Variants in THADA observed in about 807,000 individuals in gnomAD.
THADA encodes the protein THADA armadillo repeat containing, also known as tRNA (32-2'-O)-methyltransferase regulator THADA.
Under a neutral mutation model 219.8 loss-of-function variants are expected in THADA, and 213 were observed. The observed-to-expected ratio is 0.97, with a 90% confidence interval of 0.87 to 1.09. The LOEUF is 1.09. Ranked by LOEUF, THADA falls within the 50% of genes least tolerant of loss-of-function variation. The pLI is 0.00. For missense variants in THADA, 2,956 were observed against 2,311.3 expected (o/e 1.28, Z -5.72); for synonymous variants, 1,018 against 828.9 (o/e 1.23, Z -3.92).
Position 43,560,293 on chromosome 2 carries a change from C to T in THADA, c.2404G>A (p.Val802Met), listed in dbSNP as rs749514382. Reference protein sequence around the residue: ...MECFTSTFEDVKILAFDLLMK... With the variant: ...MECFTSTFEDMKILAFDLLMK... Reference sequence around the variant, plus strand: ...AGAAGATCAAATGCTAAAATTTTCACGTCTTCAAAAGTGCTGGTAAAACAT... The same window carrying T: ...AGAAGATCAAATGCTAAAATTTTCATGTCTTCAAAAGTGCTGGTAAAACAT... The change falls in exon 16 of 38, where the codon GTG becomes ATG. Residue 802 changes from valine (V) to methionine (M), a missense_variant. Val to Met is a conservative substitution (Grantham distance 21, BLOSUM62 1). Coordinates refer to ENST00000405975, the MANE Select transcript of THADA (RefSeq NM_022065.5). 7 of 1,612,038 alleles carry T rather than the reference C, an allele frequency of 4.3e-6. No individual in the cohort carries two copies. The highest frequency in any genetic ancestry group is 5.9e-6 in the Non-Finnish European group (7 of 1,179,098).
At chr2:43,545,862 T>C (rs1558946590) in intron 20 of THADA, among the ~76,000 whole-genome samples, 1 of 152,220 alleles carries the variant, frequency 6.6e-6, no homozygotes, top group Non-Finnish European at 1.5e-5. Context: ...GTTTTTTGTG[T>C]CTGTATTTCC....
intron 31 of THADA, among the ~76,000 whole-genome samples, chr2:43,313,702 G>A (rs558682945): frequency 2.0e-5 from 3 of 152,366 alleles, no homozygotes; most frequent in East Asian, 3.9e-4. Flanking sequence ...AAAAGCCTGT[G>A]ACGTGGAAGC....
At chr2:43,403,067 G>A (rs1200441000) in intron 28 of THADA, among the ~76,000 whole-genome samples, 1 of 152,118 alleles carries the variant, frequency 6.6e-6, no homozygotes, top group Non-Finnish European at 1.5e-5. Context: ...TCATTCCAAG[G>A]TCAGTGTCAT....
At chr2:43,311,172 G>A (rs557059513) in intron 31 of THADA, among the ~76,000 whole-genome samples, 3 of 150,220 alleles carry the variant, frequency 2.0e-5, no homozygotes, top group African/African-American at 4.9e-5. Flanking sequence ...GCGAAACTCC[G>A]TCTCAAAAAA....
intron 29 of THADA, among the ~76,000 whole-genome samples, chr2:43,352,701 G>C (rs1203292766): frequency 1.3e-5 from 2 of 152,124 alleles, no homozygotes; most frequent in Admixed American, 6.5e-5. Flanking sequence ...GAGAAAGAGA[G>C]AGAGAGGGTT....
chr2:43,333,837 C>T (rs969579209), intron 30 of THADA, among the ~76,000 whole-genome samples: 3 of 152,174 alleles, frequency 2.0e-5, no homozygotes, highest in Admixed American at 6.5e-5. Context: ...AAAGAAGGAT[C>T]TCTTTCTTCA....
chr2:43,462,058 G>A (rs1683702313), intron 26 of THADA, among the ~76,000 whole-genome samples: 1 of 152,138 alleles, frequency 6.6e-6, no homozygotes, highest in African/African-American at 2.4e-5. Flanking sequence ...ATCTGAGGAA[G>A]GCTGCTGAAT....
chr2:43,473,233 T>C (rs1043532775), intron 26 of THADA, among the ~76,000 whole-genome samples: 1 of 152,254 alleles, frequency 6.6e-6, no homozygotes, highest in African/African-American at 2.4e-5. Flanking sequence ...TTCCTTTCTT[T>C]ATACACTTAT....
intron 24 of THADA, among the ~76,000 whole-genome samples, chr2:43,502,182 TCCAGCCTGGG>T (rs1314355523): frequency 6.6e-6 from 1 of 152,184 alleles, no homozygotes; most frequent in African/African-American, 2.4e-5. Flanking sequence ...TTGCACGCAC[TCCAGCCTGGG>T]TGACAGAGCA....
intron 29 of THADA, among the ~76,000 whole-genome samples, chr2:43,380,090 T>C (rs1671819875): frequency 6.6e-6 from 1 of 152,156 alleles, no homozygotes; most frequent in Non-Finnish European, 1.5e-5. Flanking sequence ...TATATGATAT[T>C]ATAGTGGTGG....
At chr2:43,575,241 C>G (rs2374551) in intron 10 of THADA, among the ~76,000 whole-genome samples, 59,055 of 152,050 alleles carry the variant, frequency 0.39, 12,589 homozygotes, top group African/African-American at 0.57. Flanking sequence ...ATCCAGAAAG[C>G]AGTTCAAGAT....
At chr2:43,456,465 G>A (rs866416228) in intron 26 of THADA, among the ~76,000 whole-genome samples, 1 of 152,196 alleles carries the variant, frequency 6.6e-6, no homozygotes, top group Non-Finnish European at 1.5e-5. Context: ...CAAAGGTCTA[G>A]AACCAGCCTG....
chr2:43,451,541 C>G (rs1682337139), intron 26 of THADA, among the ~76,000 whole-genome samples: 1 of 152,164 alleles, frequency 6.6e-6, no homozygotes, highest in South Asian at 2.1e-4. Context: ...TGCTCTGATC[C>G]CAGCACCCAG....
intron 35 of THADA, among the ~76,000 whole-genome samples, chr2:43,282,593 G>A (rs1673485416): frequency 6.6e-6 from 1 of 152,196 alleles, no homozygotes; most frequent in South Asian, 2.1e-4. Flanking sequence ...TAATAGGTGA[G>A]AAGAGAATCA....
At chr2:43,437,941 C>G (rs954892066) in intron 26 of THADA, among the ~76,000 whole-genome samples, 1 of 151,994 alleles carries the variant, frequency 6.6e-6, no homozygotes, top group African/African-American at 2.4e-5. Flanking sequence ...ATGGACACAC[C>G]TATCAAAATG....
At position 43,428,666 on chromosome 2, in the gene THADA, CTT is replaced by C. The variant is rs555811213; in HGVS notation, c.3927-437_3927-436del. ...ATCAAGGGGATAGTTTTCCTTTTTT[CTT>C]TTTTTTTTCTACGTTCACTTCTTAT... On this transcript the variant is annotated intron_variant, in intron 27 of 37. Transcript: ENST00000405975. Among the ~76,000 whole-genome samples the C allele has an allele frequency of 8.7e-5, 13 of 149,550 alleles. No homozygotes were observed. In the South Asian group the frequency reaches 2.8e-3, roughly 32 times the overall value.
intron 26 of THADA, among the ~76,000 whole-genome samples, chr2:43,460,652 C>T (rs1683530426): frequency 6.6e-6 from 1 of 152,080 alleles, no homozygotes; most frequent in African/African-American, 2.4e-5. Flanking sequence ...CAATTCTAAG[C>T]CTCAAGGAAC....
At chr2:43,429,454 C>T (rs138285989) in intron 27 of THADA, among the ~76,000 whole-genome samples, 132 of 152,196 alleles carry the variant, frequency 8.7e-4, no homozygotes, top group Middle Eastern at 3.4e-3. Flanking sequence ...GGAAAGCCCT[C>T]GTAATGGCTT....
At chr2:43,485,716 C>T (rs138694217) in intron 25 of THADA, among the ~76,000 whole-genome samples, 12 of 152,080 alleles carry the variant, frequency 7.9e-5, no homozygotes, top group African/African-American at 7.2e-5. Context: ...ATTTTACCTA[C>T]GAGAAAATAC....
Sources: gnomAD v4.1 joint callset for allele counts (sites outside exome capture counted in the v4.1 genomes callset) on GRCh38, gnomAD v4.1.1 for gene constraint, MANE v1.5 for transcripts, NCBI Gene and HGNC (gene_info 2026-07-23, HGNC 2026-07-21) for gene names.